CNTN5: variants seen among roughly 807,000 people sequenced by gnomAD.
CNTN5 encodes contactin-5.
CNTN5 carries 77 observed loss-of-function variants against 129.1 expected under a neutral mutation model. The observed-to-expected ratio is 0.60, with a 90% CI of 0.50 to 0.72. The LOEUF (loss-of-function observed/expected upper bound fraction) is 0.72, where lower values mean the gene tolerates loss of function less well. Among genes scored for constraint, CNTN5 ranks in the 30% least tolerant of loss-of-function variants. The pLI, the probability that CNTN5 is intolerant of heterozygous loss-of-function variation, is 0.00. For missense variants in CNTN5, 1,478 were observed against 1,328.8 expected (o/e 1.11, Z -1.75); for synonymous variants, 509 against 465.6 (o/e 1.09, Z -1.20).
intron 6 of CNTN5, among the ~76,000 whole-genome samples, chr11:99,878,070 T>C (rs1176946780): frequency 1.3e-5 from 2 of 152,224 alleles, no homozygotes; most frequent in African/African-American, 2.4e-5. Context: ...ATATGTAGCA[T>C]ACATTATAAC....
chr11:99,988,108 C>G (rs139572965), intron 8 of CNTN5, among the ~76,000 whole-genome samples: 17 of 152,112 alleles, frequency 1.1e-4, no homozygotes, highest in African/African-American at 4.1e-4. Context: ...CTTTGAAATC[C>G]ACAAGAGTTT....
At chr11:99,996,279 T>C (rs930244411) in intron 8 of CNTN5, among the ~76,000 whole-genome samples, 7 of 152,170 alleles carry the variant, frequency 4.6e-5, no homozygotes, top group Admixed American at 6.6e-5. Flanking sequence ...TGAAGTAATG[T>C]CATTGATTTA....
At chr11:99,321,143 C>A (rs1865551949) in intron 1 of CNTN5, among the ~76,000 whole-genome samples, 1 of 151,738 alleles carries the variant, frequency 6.6e-6, no homozygotes, top group African/African-American at 2.4e-5. Flanking sequence ...CTTCAGCTTG[C>A]CAATTGCACA....
chr11:99,220,792 C>A (rs1363142220), intron 1 of CNTN5, among the ~76,000 whole-genome samples: 1 of 151,766 alleles, frequency 6.6e-6, no homozygotes, highest in African/African-American at 2.4e-5. Flanking sequence ...GTTCTCTTAA[C>A]CCATACAAAT....
intron 4 of CNTN5, among the ~76,000 whole-genome samples, chr11:99,830,615 G>A (rs1335254366): frequency 6.6e-6 from 1 of 152,022 alleles, no homozygotes; most frequent in African/African-American, 2.4e-5. Flanking sequence ...TTATTTGGAT[G>A]ACACACTTCT....
chr11:99,992,192 G>A (rs924810380), intron 8 of CNTN5, among the ~76,000 whole-genome samples: 11 of 152,164 alleles, frequency 7.2e-5, no homozygotes, highest in African/African-American at 1.9e-4. Context: ...CTGGACAGGA[G>A]TTCTTAACTC....
intron 3 of CNTN5, among the ~76,000 whole-genome samples, chr11:99,759,876 A>G (rs1944522865): frequency 6.6e-6 from 1 of 152,132 alleles, no homozygotes; most frequent in African/African-American, 2.4e-5. Flanking sequence ...CACGTGAAAT[A>G]TTTAGGGTAA....
At chr11:99,304,333 CA>C (rs986396204) in intron 1 of CNTN5, among the ~76,000 whole-genome samples, 5 of 151,858 alleles carry the variant, frequency 3.3e-5, no homozygotes, top group South Asian at 4.2e-4. Context: ...ATCCTTCCAT[CA>C]AAAAAATATA....
chr11:99,858,143 A>G (rs905033049), intron 6 of CNTN5, among the ~76,000 whole-genome samples: 1 of 152,150 alleles, frequency 6.6e-6, no homozygotes, highest in Non-Finnish European at 1.5e-5. Flanking sequence ...GCCTCTTAAT[A>G]GGTGGATGAA....
intron 9 of CNTN5, among the ~76,000 whole-genome samples, chr11:100,042,342 T>G (rs1942431469): frequency 6.6e-6 from 1 of 152,150 alleles, no homozygotes; most frequent in Non-Finnish European, 1.5e-5. Flanking sequence ...AAAACTTGGT[T>G]CTTTCAGCTT....
intron 1 of CNTN5, among the ~76,000 whole-genome samples, chr11:99,135,013 G>C (rs1189318317): frequency 6.6e-6 from 1 of 152,116 alleles, no homozygotes; most frequent in Admixed American, 6.6e-5. Context: ...TTTCTATGAT[G>C]AACATTTATT....
At chr11:99,824,495 G>A in intron 4 of CNTN5, among the ~76,000 whole-genome samples, 1 of 151,784 alleles carries the variant, frequency 6.6e-6, no homozygotes, top group Non-Finnish European at 1.5e-5. Flanking sequence ...AAATCAGTTG[G>A]TCACTGGTTA....
chr11:99,927,718 G>T (rs2136061646), intron 7 of CNTN5, among the ~76,000 whole-genome samples: 1 of 152,234 alleles, frequency 6.6e-6, no homozygotes, highest in South Asian at 2.1e-4. Flanking sequence ...AACATGTGAG[G>T]ATTATGGGAG....
At chr11:99,237,306 A>G (rs1591398251) in intron 1 of CNTN5, among the ~76,000 whole-genome samples, 1 of 152,262 alleles carries the variant, frequency 6.6e-6, no homozygotes, top group East Asian at 1.9e-4. Flanking sequence ...CAAGATAGGA[A>G]TCCTTTATCT....
intron 3 of CNTN5, among the ~76,000 whole-genome samples, chr11:99,749,402 A>AGTTAGTTACTATATGAAAAACC (rs1458499059): frequency 6.6e-6 from 1 of 152,226 alleles, no homozygotes; most frequent in African/African-American, 2.4e-5. Flanking sequence ...GTAAAGATTA[A>AGTTAGTTACTATATGAAAAACC]GTTAGTTACT....
chr11:100,215,248 A>G (rs1043626079), intron 15 of CNTN5, among the ~76,000 whole-genome samples: 1 of 152,198 alleles, frequency 6.6e-6, no homozygotes, highest in Non-Finnish European at 1.5e-5. Flanking sequence ...GAAAGAAGTT[A>G]CAAGCCTTCT....
intron 10 of CNTN5, among the ~76,000 whole-genome samples, chr11:100,062,590 A>G (rs961475744): frequency 1.3e-5 from 2 of 152,204 alleles, no homozygotes; most frequent in Non-Finnish European, 2.9e-5. Context: ...TTCTGTGTGC[A>G]GTGATAAAGG....
At chr11:100,169,041 C>A (rs964206604) in intron 13 of CNTN5, among the ~76,000 whole-genome samples, 1 of 151,866 alleles carries the variant, frequency 6.6e-6, no homozygotes, top group African/African-American at 2.4e-5. Context: ...TGACTGAATT[C>A]CTGCAATCTC....
chr11:99,106,347 T>C (rs530511408), intron 1 of CNTN5, among the ~76,000 whole-genome samples: 49 of 152,204 alleles, frequency 3.2e-4, no homozygotes, highest in Non-Finnish European at 6.5e-4. Context: ...TAAGTACTTA[T>C]AGAGTAAGAG....
Sources: gnomAD v4.1 joint callset for allele counts (sites outside exome capture counted in the v4.1 genomes callset) on GRCh38, gnomAD v4.1.1 for gene constraint, MANE v1.5 for transcripts, NCBI Gene and HGNC (gene_info 2026-07-23, HGNC 2026-07-21) for gene names.